The following CIT variants were observed in gnomAD, a reference collection of about 807,000 sequenced individuals.
CIT encodes citron rho-interacting serine/threonine kinase.
Under a neutral mutation model 272.7 loss-of-function variants are expected in CIT, and 79 were observed. That is an observed-to-expected ratio of 0.29 (90% CI 0.24 to 0.35). The LOEUF (loss-of-function observed/expected upper bound fraction) is 0.35, where lower values mean the gene tolerates loss of function less well. Among genes scored for constraint, CIT ranks in the 10% least tolerant of loss-of-function variants. The pLI is 1.00. For missense variants in CIT, 1,909 were observed against 2,618.3 expected (o/e 0.73, Z 5.91); for synonymous variants, 948 against 995.6 (o/e 0.95, Z 0.90).
intron 16 of CIT, among the ~76,000 whole-genome samples, chr12:119,774,876 A>G (rs1345195355): frequency 2.0e-5 from 3 of 152,138 alleles, no homozygotes; most frequent in African/African-American, 7.2e-5. Context: ...CAGGAGGCGG[A>G]GGTGGGAGGA....
At position 119,728,354 on chromosome 12, in the gene CIT, T is replaced by C; in HGVS notation, c.3591+148A>G. On this transcript the variant is annotated intron_variant, in intron 28 of 47. Coordinates refer to ENST00000392521, the MANE Select transcript of CIT (RefSeq NM_001206999.2). The surrounding 1 kb of genome is among the most constrained non-coding windows in gnomAD (Gnocchi z 4.3). ...ACAGGGTGTTGATAGCTGGGGACAC[T>C]GTGGGAGGAGGAGACAGGGAGTATG... 1.5e-6 allele frequency: 1 copy of C among 648,220 alleles called. No homozygotes were observed. The highest frequency in any genetic ancestry group is 2.8e-6 in the Non-Finnish European group (1 of 362,306). The allele number at this position is 648,220 out of a possible 1,614,324, so 40.2% of individuals were successfully genotyped here.
rs118047850 is a variant in CIT at position 119,762,981 on chromosome 12, A to G, written c.2305-1926T>C. 5.1e-3 allele frequency among the ~76,000 whole-genome samples: 773 copies of G among 152,250 alleles called. 3 individuals are homozygous for G. Among genetic ancestry groups the G allele is most frequent in the Non-Finnish European group, 8.4e-3 (573 of 68,010 alleles). On this transcript the variant is annotated intron_variant, in intron 19 of 47. Transcript: ENST00000392521. ...GGATTGCTTGAGCCCAGGAGTTCGA[A>G]GCCTCATTGAGCTATGATCACACTA...
chr12:119,702,955 A>C (rs1487576222), intron 41 of CIT, among the ~76,000 whole-genome samples: 1 of 152,170 alleles, frequency 6.6e-6, no homozygotes, highest in East Asian at 1.9e-4. Flanking sequence ...AGTTGTTTTT[A>C]GGCCAATCCT....
Position 119,713,393 on chromosome 12 carries a change from C to T in CIT, c.4487+75G>A, listed in dbSNP as rs60295422. Reference sequence around the variant, plus strand: ...GGTGGCAGAGTTCCTAGAAAAGACACTTCCCTAGAAAACATCAGGGACAGA... The same window carrying T: ...GGTGGCAGAGTTCCTAGAAAAGACATTTCCCTAGAAAACATCAGGGACAGA... On this transcript the variant is annotated intron_variant, in intron 34 of 47. Coordinates refer to ENST00000392521, the MANE Select transcript of CIT (RefSeq NM_001206999.2). This position sits in a 1 kb window ranked among gnomAD's most constrained non-coding sequence, Gnocchi z 5.2. The T allele has an allele frequency of 1.7e-3, 2,683 of 1,589,788 alleles. 41 individuals carry two copies. In the African/African-American group the frequency reaches 0.031, roughly 19 times the overall value.
At position 119,694,561 on chromosome 12, in the gene CIT, T is replaced by TG. The variant is rs1399124351; in HGVS notation, c.5882+3097dup. Among the ~76,000 whole-genome samples, 1 of 152,094 alleles carries TG rather than the reference T, an allele frequency of 6.6e-6. No homozygotes were observed. Among genetic ancestry groups the TG allele is most frequent in the Non-Finnish European group, 1.5e-5 (1 of 68,020 alleles). On this transcript the variant is annotated intron_variant, in intron 46 of 47. Transcript: ENST00000392521. The surrounding 1 kb of genome is among the most constrained non-coding windows in gnomAD (Gnocchi z 4.5). ...GCTCACACCTGTAATCCCAGCACTTTGGGGGGCCAGGGCAGGCAAATTGCT... is the reference window on the plus strand; with the variant it reads ...GCTCACACCTGTAATCCCAGCACTTTGGGGGGGCCAGGGCAGGCAAATTGCT...
intron 24 of CIT, among the ~76,000 whole-genome samples, chr12:119,740,115 G>C (rs1958986109): frequency 6.6e-6 from 1 of 152,178 alleles, no homozygotes; most frequent in East Asian, 1.9e-4. Flanking sequence ...TGGGTGAAGG[G>C]CATCTCTCTC....
intron 22 of CIT, among the ~76,000 whole-genome samples, chr12:119,755,751 T>C (rs1960885831): frequency 2.0e-5 from 3 of 152,220 alleles, no homozygotes; most frequent in Admixed American, 2.0e-4. Context: ...ACCTTATGGC[T>C]TCAATCAACC....
Position 119,874,298 on chromosome 12 carries a change from G to A in CIT, c.96+1775C>T, listed in dbSNP as rs1016486648. Reference sequence around the variant, plus strand: ...CGTTGTCCAGGCTGGTCTCGAACCCGTGACCTCAAGTAATCCGCCCGCCTC... The same window carrying A: ...CGTTGTCCAGGCTGGTCTCGAACCCATGACCTCAAGTAATCCGCCCGCCTC... On this transcript the variant is annotated intron_variant, in intron 2 of 47. Transcript: ENST00000392521. 7.2e-5 allele frequency among the ~76,000 whole-genome samples: 11 copies of A among 152,068 alleles called. No homozygotes were observed. The East Asian group carries it at 1.4e-3, about 19-fold the overall frequency.
At chr12:119,700,861 G>A in intron 43 of CIT, 36 bp from the exon 44 acceptor site, 1 of 1,541,056 alleles carries the variant, frequency 6.5e-7, no homozygotes, top group Non-Finnish European at 9.0e-7. Context: ...CATTAGCACA[G>A]CCAAGAGCAG....
chr12:119,750,782 TAGATAGATAGATAGAG>T (rs1172973972), intron 23 of CIT, among the ~76,000 whole-genome samples: 1 of 124,046 alleles, frequency 8.1e-6, no homozygotes, highest in Non-Finnish European at 1.8e-5. Flanking sequence ...GATAGATAGA[TAGATAGATAGATAGAG>T]ATATAGAGAT....
intron 10 of CIT, among the ~76,000 whole-genome samples, chr12:119,798,702 A>G (rs778517991): frequency 6.6e-6 from 1 of 152,220 alleles, no homozygotes; most frequent in Non-Finnish European, 1.5e-5. Flanking sequence ...TTACTGCTCC[A>G]GGAAAACCAG....
At chr12:119,871,163 G>A (rs1203023763) in intron 2 of CIT, among the ~76,000 whole-genome samples, 2 of 149,648 alleles carry the variant, frequency 1.3e-5, no homozygotes, top group South Asian at 2.1e-4. Context: ...ACTACTGAAA[G>A]ACCTCATGGA....
chr12:119,755,707 C>T (rs1960879380), intron 22 of CIT, among the ~76,000 whole-genome samples: 1 of 152,218 alleles, frequency 6.6e-6, no homozygotes, highest in Non-Finnish European at 1.5e-5. Flanking sequence ...ACACAGCAGA[C>T]ATCTGACAAA....
intron 19 of CIT, among the ~76,000 whole-genome samples, chr12:119,762,133 G>T (rs1223727639): frequency 6.6e-6 from 1 of 152,194 alleles, no homozygotes; most frequent in Non-Finnish European, 1.5e-5. Flanking sequence ...GACTGTCACA[G>T]CTCATGGGGA....
Position 119,766,889 on chromosome 12 carries a change from AG to A in CIT, c.2304+197del, listed in dbSNP as rs1962514660. Among the ~76,000 whole-genome samples, 3 of 151,230 alleles carry A rather than the reference AG, an allele frequency of 2.0e-5. No homozygotes were observed. In the South Asian group the frequency reaches 6.3e-4, roughly 32 times the overall value. On this transcript the variant is annotated intron_variant, in intron 19 of 47. Transcript: ENST00000392521. ...GATGACCACATTTAAAAAAAAAAAA[AG>A]GTTTTTTTTTTGGAACTTCAGATTT...
At position 119,822,911 on chromosome 12, in the gene CIT, G is replaced by A. The variant is rs1271775400; in HGVS notation, c.1020C>T (p.Ser340=). ...GTCTCTCTTTCTGGCCGCACAACAAGCTTTGAATCAGATCAAGAAAGTCAC... is the reference window on the plus strand; with the variant it reads ...GTCTCTCTTTCTGGCCGCACAACAAACTTTGAATCAGATCAAGAAAGTCAC... ...VSSDFLDLIQ[S]LLCGQKERLK... The change falls in exon 9 of 48, where the codon AGC becomes AGT. Residue 340 remains serine (S), a synonymous_variant. Coordinates refer to ENST00000392521, the MANE Select transcript of CIT (RefSeq NM_001206999.2). 7.4e-6 allele frequency: 12 copies of A among 1,613,920 alleles called. No individual in the cohort carries two copies. The highest frequency in any genetic ancestry group is 1.7e-6 in the Non-Finnish European group (2 of 1,179,998).
intron 9 of CIT, among the ~76,000 whole-genome samples, chr12:119,805,394 A>C (rs561040973): frequency 6.6e-6 from 1 of 152,354 alleles, no homozygotes; most frequent in Admixed American, 6.5e-5. Flanking sequence ...AGTGTTTACC[A>C]CAGTTCTTAG....
chr12:119,734,136 T>C (rs1958626574), intron 26 of CIT, 28 bp downstream of exon 26: 1 of 1,609,982 alleles, frequency 6.2e-7, no homozygotes, highest in Non-Finnish European at 8.5e-7. Context: ...TCACCTGTCA[T>C]GAGCTTTCCA....
intron 5 of CIT, among the ~76,000 whole-genome samples, chr12:119,845,352 C>T (rs562916914): frequency 2.0e-5 from 3 of 151,888 alleles, no homozygotes; most frequent in Non-Finnish European, 4.4e-5. Flanking sequence ...GTTAAATCCA[C>T]AACTAAGAAG....
Sources: allele counts gnomAD v4.1 joint callset (sites outside exome capture counted in the v4.1 genomes callset), GRCh38; gene constraint gnomAD v4.1.1; non-coding constraint Gnocchi (gnomAD v3.1); transcripts MANE v1.5; gene names NCBI Gene and HGNC (gene_info 2026-07-23, HGNC 2026-07-21).